Variants in GALNTL6 observed in about 807,000 individuals in gnomAD.
GALNTL6 encodes polypeptide N-acetylgalactosaminyltransferase like 6.
Under a neutral mutation model 73.7 loss-of-function variants are expected in GALNTL6, and 46 were observed. That is an observed-to-expected ratio of 0.62 (90% CI 0.49 to 0.80). The LOEUF is 0.80. Among genes scored for constraint, GALNTL6 ranks in the 30% least tolerant of loss-of-function variants. GALNTL6 has a pLI of 0.00. For synonymous variants in GALNTL6, 259 were observed against 263.7 expected (o/e 0.98, Z 0.17); for missense variants, 604 against 755.0 (o/e 0.80, Z 2.34).
intron 2 of GALNTL6, among the ~76,000 whole-genome samples, chr4:172,001,176 A>C (rs1367880558): frequency 6.6e-6 from 1 of 152,210 alleles, no homozygotes; most frequent in Non-Finnish European, 1.5e-5. Flanking sequence ...ATTTTCCAGA[A>C]GATATTATTT....
intron 3 of GALNTL6, among the ~76,000 whole-genome samples, chr4:172,272,088 G>T (rs1738677326): frequency 1.3e-5 from 2 of 151,992 alleles, no homozygotes; most frequent in South Asian, 4.2e-4. Context: ...GAGTAGTTGG[G>T]ACTACAGGTA....
At chr4:172,853,889 A>C (rs115349612) in intron 7 of GALNTL6, among the ~76,000 whole-genome samples, 2,139 of 152,276 alleles carry the variant, frequency 0.014, 31 homozygotes, top group Non-Finnish European at 0.021. Context: ...TGAGGAGAGA[A>C]GATTCAATGA....
At chr4:172,698,656 G>C (rs1733836450) in intron 5 of GALNTL6, among the ~76,000 whole-genome samples, 1 of 152,162 alleles carries the variant, frequency 6.6e-6, no homozygotes, top group Non-Finnish European at 1.5e-5. Flanking sequence ...CTCAAACTAT[G>C]TTTGTGTGCT....
chr4:172,025,815 G>T (rs1316802205), intron 2 of GALNTL6, among the ~76,000 whole-genome samples: 1 of 151,946 alleles, frequency 6.6e-6, no homozygotes, highest in South Asian at 2.1e-4. Flanking sequence ...ATGTTTGTGT[G>T]TGTGTGTGTT....
intron 2 of GALNTL6, among the ~76,000 whole-genome samples, chr4:171,999,268 T>TA (rs1478227025): frequency 1.3e-5 from 2 of 152,178 alleles, no homozygotes; most frequent in Non-Finnish European, 2.9e-5. Flanking sequence ...GCTAACACCA[T>TA]AATGACCTCT....
chr4:172,682,065 G>A (rs984074780), intron 5 of GALNTL6, among the ~76,000 whole-genome samples: 6 of 152,110 alleles, frequency 3.9e-5, no homozygotes, highest in South Asian at 2.1e-4. Flanking sequence ...GTGTGACCAC[G>A]GGGAAATAAA....
intron 5 of GALNTL6, among the ~76,000 whole-genome samples, chr4:172,397,519 T>TA (rs1743889161): frequency 6.6e-6 from 1 of 151,972 alleles, no homozygotes; most frequent in African/African-American, 2.4e-5. Context: ...ATTGTTGTAA[T>TA]AAAAAATGGA....
chr4:172,484,223 CAT>C (rs2111488998), intron 5 of GALNTL6, among the ~76,000 whole-genome samples: 1 of 152,226 alleles, frequency 6.6e-6, no homozygotes, highest in Non-Finnish European at 1.5e-5. Flanking sequence ...TAGAAATACT[CAT>C]AATAGTCTGT....
chr4:172,674,144 T>C (rs958046954), intron 5 of GALNTL6, among the ~76,000 whole-genome samples: 1 of 152,216 alleles, frequency 6.6e-6, no homozygotes, highest in African/African-American at 2.4e-5. Flanking sequence ...CAGTAGCTCC[T>C]GTAAGGTAGG....
At chr4:172,482,904 A>G (rs890759732) in intron 5 of GALNTL6, among the ~76,000 whole-genome samples, 7 of 152,300 alleles carry the variant, frequency 4.6e-5, no homozygotes, top group Admixed American at 2.0e-4. Flanking sequence ...AACTCTAAAG[A>G]TATCATTTTA....
At position 172,207,397 on chromosome 4, in the gene GALNTL6, G is replaced by T. The variant is rs78912418; in HGVS notation, c.139-22259G>T. On this transcript the variant is annotated intron_variant, in intron 2 of 12. Transcript: ENST00000506823. ...TTGCCAGGAGAGAGACAGTAAAGGA[G>T]CAAGAGGGATGGTGGTGCTCTTTCC... is the stretch of plus-strand genomic sequence containing the variant. 9.2e-5 allele frequency among the ~76,000 whole-genome samples: 14 copies of T among 152,254 alleles called. No individual in the cohort carries two copies. In the East Asian group the frequency reaches 2.7e-3, roughly 30 times the overall value.
intron 5 of GALNTL6, among the ~76,000 whole-genome samples, chr4:172,682,713 TC>T (rs1431113867): frequency 6.6e-6 from 1 of 152,072 alleles, no homozygotes; most frequent in Non-Finnish European, 1.5e-5. Context: ...TAGTACTTTC[TC>T]CCCACTCAAA....
At chr4:171,918,558 T>C (rs1737693757) in intron 2 of GALNTL6, among the ~76,000 whole-genome samples, 1 of 152,122 alleles carries the variant, frequency 6.6e-6, no homozygotes, top group Non-Finnish European at 1.5e-5. Context: ...TGCAAAATGG[T>C]GCAGCCACTA....
Position 172,274,470 on chromosome 4 carries a change from C to CA in GALNTL6, c.248-37141dup, listed in dbSNP as rs1738761795. Among the ~76,000 whole-genome samples the CA allele has an allele frequency of 1.3e-5, 2 of 152,140 alleles. 1 individual carries two copies. Among genetic ancestry groups the CA allele is most frequent in the South Asian group, 4.1e-4 (2 of 4,836 alleles). On this transcript the variant is annotated intron_variant, in intron 3 of 12. Transcript: ENST00000506823. ...AATCCGTAGAGCATCGGTTTGACTT[C>CA]AAAGTTCATGTTCATTATCTGAGTA...
chr4:172,599,336 G>A (rs1358692223), intron 5 of GALNTL6, among the ~76,000 whole-genome samples: 1 of 151,444 alleles, frequency 6.6e-6, no homozygotes, highest in African/African-American at 2.4e-5. Flanking sequence ...TGTTAAAAAT[G>A]TACAACTATG....
chr4:173,039,148 C>G (rs1753805534), intron 12 of GALNTL6, among the ~76,000 whole-genome samples: 1 of 152,228 alleles, frequency 6.6e-6, no homozygotes, highest in Non-Finnish European at 1.5e-5. Context: ...TATTTTCATT[C>G]ACTGAGCTGT....
chr4:172,662,311 C>A (rs1731418508), intron 5 of GALNTL6, among the ~76,000 whole-genome samples: 2 of 152,142 alleles, frequency 1.3e-5, no homozygotes. Context: ...ATTTCCAATT[C>A]TCTTCCCAGA....
intron 2 of GALNTL6, among the ~76,000 whole-genome samples, chr4:171,882,458 A>G (rs571458271): frequency 1.6e-4 from 25 of 152,358 alleles, no homozygotes; most frequent in African/African-American, 6.0e-4. Flanking sequence ...GTAAAGTCCC[A>G]TGATAGGCAG....
chr4:172,490,813 G>A (rs947330093), intron 5 of GALNTL6, among the ~76,000 whole-genome samples: 6 of 152,134 alleles, frequency 3.9e-5, no homozygotes, highest in African/African-American at 1.4e-4. Context: ...ACCTGTGCAT[G>A]TTTTCTGAAA....
Sources: gnomAD v4.1 joint callset for allele counts (sites outside exome capture counted in the v4.1 genomes callset) on GRCh38, gnomAD v4.1.1 for gene constraint, MANE v1.5 for transcripts, NCBI Gene and HGNC (gene_info 2026-07-23, HGNC 2026-07-21) for gene names.